The following RALGAPA2 variants were observed in gnomAD, a reference collection of about 807,000 sequenced individuals.
RALGAPA2 encodes the protein Ral GTPase activating protein catalytic subunit alpha 2.
Under a neutral mutation model 230.4 loss-of-function variants are expected in RALGAPA2, and 139 were observed. That is an observed-to-expected ratio of 0.60 (90% CI 0.53 to 0.69). RALGAPA2 has a LOEUF of 0.69. RALGAPA2 is among the 30% of genes least tolerant of loss of function. RALGAPA2 has a pLI of 0.00. For missense variants in RALGAPA2, 2,163 were observed against 2,276.0 expected, an observed-to-expected ratio of 0.95 and a Z score of 1.01; for synonymous variants, 847 against 837.8, an observed-to-expected ratio of 1.01 and a Z score of -0.19.
chr20:20,533,248 G>T (rs550879383), intron 26 of RALGAPA2, among the ~76,000 whole-genome samples: 25 of 151,768 alleles, frequency 1.6e-4, no homozygotes, highest in Non-Finnish European at 3.4e-4. Flanking sequence ...AAAAATAAAG[G>T]TGGGATGGGA....
Position 20,669,129 on chromosome 20 carries a change from T to A in RALGAPA2, c.270+7107A>T, listed in dbSNP as rs1234328255. 2.6e-5 allele frequency among the ~76,000 whole-genome samples: 4 copies of A among 152,258 alleles called. No individual in the cohort carries two copies. In the South Asian group the frequency reaches 6.2e-4, roughly 24 times the overall value. On this transcript the variant is annotated intron_variant, in intron 3 of 39. Transcript: ENST00000202677. ...TGAGTGGCACTCCAATGCCAGAACA[T>A]GTTTACGTTTTGAAATTAAGCCTCT...
At chr20:20,582,536 A>C in intron 20 of RALGAPA2, among the ~76,000 whole-genome samples, 1 of 152,132 alleles carries the variant, frequency 6.6e-6, no homozygotes, top group Middle Eastern at 3.2e-3. Context: ...CGGTAAAACT[A>C]TAAAGAAATC....
At chr20:20,411,169 A>C (rs1460902069) in intron 38 of RALGAPA2, among the ~76,000 whole-genome samples, 2 of 152,240 alleles carry the variant, frequency 1.3e-5, no homozygotes, top group East Asian at 3.8e-4. Context: ...GTTTCATTTA[A>C]AGCAGTGGAA....
intron 11 of RALGAPA2, among the ~76,000 whole-genome samples, chr20:20,619,803 A>G (rs547703379): frequency 1.3e-5 from 2 of 152,388 alleles, no homozygotes; most frequent in South Asian, 2.1e-4. Flanking sequence ...TTTTAAAGTG[A>G]CATGCCTCTA....
chr20:20,403,916 C>T (rs901954794), intron 38 of RALGAPA2, among the ~76,000 whole-genome samples: 3 of 152,188 alleles, frequency 2.0e-5, no homozygotes, highest in African/African-American at 7.2e-5. Flanking sequence ...CAGGCAATCT[C>T]ACAGATCACA....
intron 36 of RALGAPA2, among the ~76,000 whole-genome samples, chr20:20,489,712 G>A (rs1008684857): frequency 3.9e-5 from 6 of 152,162 alleles, no homozygotes; most frequent in African/African-American, 9.7e-5. Flanking sequence ...TGTGTGCTCT[G>A]GACACCCATC....
intron 37 of RALGAPA2, among the ~76,000 whole-genome samples, chr20:20,448,612 T>TATCC (rs1440223012): frequency 2.6e-5 from 4 of 152,184 alleles, no homozygotes; most frequent in African/African-American, 9.7e-5. Context: ...TAATAGAATC[T>TATCC]ATCCTACAAA....
intron 9 of RALGAPA2, among the ~76,000 whole-genome samples, chr20:20,634,643 T>C (rs2066795772): frequency 6.6e-6 from 1 of 152,162 alleles, no homozygotes; most frequent in Non-Finnish European, 1.5e-5. Flanking sequence ...TTCTGAGACT[T>C]CTAGGGCATC....
intron 5 of RALGAPA2, among the ~76,000 whole-genome samples, chr20:20,643,213 C>G (rs2067101446): frequency 6.6e-6 from 1 of 152,144 alleles, no homozygotes; most frequent in African/African-American, 2.4e-5. Flanking sequence ...AAAACTGGAG[C>G]AGTCAGTGCC....
rs1603027500 is a variant in RALGAPA2, at chr20:20,603,392, T to C, written c.2039-1546A>G. Among the ~76,000 whole-genome samples, 5 of 152,324 alleles carry C rather than the reference T, an allele frequency of 3.3e-5. No homozygotes were observed. In the South Asian group the frequency reaches 1.0e-3, roughly 32 times the overall value. Reference sequence around the variant, plus strand: ...CCACATTTATTATACGTGTATATGGTTTACTAACCACTGTAACTGGTTCAC... The same window carrying C: ...CCACATTTATTATACGTGTATATGGCTTACTAACCACTGTAACTGGTTCAC... On this transcript the variant is annotated intron_variant, in intron 15 of 39. Transcript: ENST00000202677.
At chr20:20,694,161 G>A (rs1442241786) in intron 1 of RALGAPA2, among the ~76,000 whole-genome samples, 1 of 151,908 alleles carries the variant, frequency 6.6e-6, no homozygotes, top group Admixed American at 6.6e-5. Flanking sequence ...AAAAAGTGAG[G>A]GAGGAGGTTA....
chr20:20,647,495 A>T (rs2067256361), intron 4 of RALGAPA2, among the ~76,000 whole-genome samples: 1 of 152,222 alleles, frequency 6.6e-6, no homozygotes, highest in Admixed American at 6.5e-5. Flanking sequence ...TGGATCAAAG[A>T]CCTAAACTAT....
intron 9 of RALGAPA2, among the ~76,000 whole-genome samples, chr20:20,632,813 A>G (rs1255280212): frequency 6.6e-6 from 1 of 152,084 alleles, no homozygotes; most frequent in Non-Finnish European, 1.5e-5. Context: ...TCTATTTTTC[A>G]GTGGGGTTGT....
chr20:20,530,872 G>T (rs575420121), intron 27 of RALGAPA2, among the ~76,000 whole-genome samples: 1 of 152,128 alleles, frequency 6.6e-6, no homozygotes, highest in Non-Finnish European at 1.5e-5. Flanking sequence ...TCAGCACAGC[G>T]CCTGGCAGAG....
At chr20:20,638,101 C>A (rs544035282) in intron 7 of RALGAPA2, among the ~76,000 whole-genome samples, 1 of 152,228 alleles carries the variant, frequency 6.6e-6, no homozygotes, top group South Asian at 2.1e-4. Context: ...TATCCTCCCC[C>A]TCAAAAACCC....
intron 38 of RALGAPA2, among the ~76,000 whole-genome samples, chr20:20,410,258 G>T (rs1362065440): frequency 6.6e-6 from 1 of 152,142 alleles, no homozygotes; most frequent in Non-Finnish European, 1.5e-5. Flanking sequence ...GTTTGGAAAA[G>T]ATCAAATTAG....
intron 13 of RALGAPA2, among the ~76,000 whole-genome samples, chr20:20,615,630 T>C (rs1177725427): frequency 6.6e-6 from 1 of 152,248 alleles, no homozygotes; most frequent in Non-Finnish European, 1.5e-5. Context: ...TGATAATTTA[T>C]CATTTAAAAT....
At chr20:20,397,332 T>A (rs981119270) in intron 38 of RALGAPA2, among the ~76,000 whole-genome samples, 3 of 152,084 alleles carry the variant, frequency 2.0e-5, no homozygotes, top group African/African-American at 7.2e-5. Context: ...CCTGGAGTGG[T>A]GAAATTGGAC....
chr20:20,574,321 G>A (rs13038909), intron 20 of RALGAPA2, among the ~76,000 whole-genome samples: 24,068 of 152,202 alleles, frequency 0.16, 2,245 homozygotes, highest in East Asian at 0.24. Flanking sequence ...TGAGATAGGA[G>A]TGTGCTAACA....
Sources: gnomAD v4.1 joint callset for allele counts (sites outside exome capture counted in the v4.1 genomes callset) on GRCh38, gnomAD v4.1.1 for gene constraint, MANE v1.5 for transcripts, NCBI Gene and HGNC (gene_info 2026-07-23, HGNC 2026-07-21) for gene names.